GLIS2: variants seen among roughly 807,000 people sequenced by gnomAD.
GLIS2 encodes zinc finger protein GLIS2.
GLIS2 carries 14 observed loss-of-function variants against 35.6 expected under a neutral mutation model. That is an observed-to-expected ratio of 0.39 (90% CI 0.26 to 0.61). GLIS2 has a LOEUF of 0.61. Ranked by LOEUF, GLIS2 falls within the 20% of genes least tolerant of loss-of-function variation. The pLI is 0.48. For synonymous variants in GLIS2, 368 were observed against 325.1 expected, an observed-to-expected ratio of 1.13 and a Z score of -1.42; for missense variants, 675 against 713.4, an observed-to-expected ratio of 0.95 and a Z score of 0.61.
chr16:4,321,110 G>A (rs1042042820), intron 1 of GLIS2, among the ~76,000 whole-genome samples: 14 of 152,198 alleles, frequency 9.2e-5, no homozygotes, highest in Non-Finnish European at 1.6e-4. Context: ...CTGTGTGTGC[G>A]GTGCCCTGCT....
Position 4,335,311 on chromosome 16 carries a change from C to T in GLIS2, c.693C>T (p.Asn231=), listed in dbSNP as rs150071733. The change falls in exon 6 of 7, where the codon AAC becomes AAT. Residue 231 remains asparagine (N), a synonymous_variant. Coordinates refer to ENST00000433375, the MANE Select transcript of GLIS2 (RefSeq NM_032575.3). The surrounding 1 kb of genome is among the most constrained non-coding windows in gnomAD (Gnocchi z 4.6). ...TCATCCACATCCGCACACACACCAACGAGAAGCCACACCGCTGTCCGACCT... is the reference window on the plus strand; with the variant it reads ...TCATCCACATCCGCACACACACCAATGAGAAGCCACACCGCTGTCCGACCT... ...KMLIHIRTHT[N]EKPHRCPTCS... 1.6e-4 allele frequency: 260 copies of T among 1,613,798 alleles called. No homozygotes were observed. Among genetic ancestry groups the T allele is most frequent in the East Asian group, 1.4e-3 (62 of 44,870 alleles).
At chr16:4,317,667 G>A (rs2053329097) in intron 1 of GLIS2, among the ~76,000 whole-genome samples, 4 of 151,978 alleles carry the variant, frequency 2.6e-5, no homozygotes, top group Admixed American at 2.6e-4. Context: ...CACAGGGGGA[G>A]GGGCTGCACC....
rs2053572765 is a variant in GLIS2, at chr16:4,337,698, G to A, written c.*174G>A. The A allele has an allele frequency of 1.1e-6, 1 of 909,758 alleles. No individual in the cohort carries two copies. Among genetic ancestry groups the A allele is most frequent in the Non-Finnish European group, 1.7e-6 (1 of 591,508 alleles). The allele number at this position is 909,758 out of a possible 1,614,324, so 56.4% of individuals were successfully genotyped here. The stretch of plus-strand genomic sequence containing the variant: ...TTCATGGCTGGCCTCCCAGCCCCCG[G>A]GTGGGGACCTGGCCTGTCATGCAGG... On this transcript the variant is annotated 3_prime_UTR_variant, in exon 7 of 7. Transcript: ENST00000433375.
intron 1 of GLIS2, among the ~76,000 whole-genome samples, chr16:4,319,365 G>A (rs1404391983): frequency 6.6e-6 from 1 of 152,166 alleles, no homozygotes; most frequent in Non-Finnish European, 1.5e-5. Context: ...CCCTCTCCCT[G>A]CTGGCTAGGG....
At chr16:4,336,019 G>GC (rs1213899979) in intron 6 of GLIS2, 1 of 178,790 alleles carries the variant, frequency 5.6e-6, no homozygotes, top group African/African-American at 2.4e-5. Context: ...CCCTGCTCTG[G>GC]CCAGGGCAGC....
rs952531818 is a variant in GLIS2 at position 4,337,370 on chromosome 16, G to A, written c.1421G>A (p.Arg474Gln). The A allele has an allele frequency of 2.9e-5, 46 of 1,593,348 alleles. No homozygotes were observed. Among genetic ancestry groups the A allele is most frequent in the South Asian group, 4.6e-5 (4 of 87,894 alleles). ...GAAAGGACGGAGAGCAGCTGCTCCC[G>A]GCCAAGCCCCGATGGACTCCCCCTG... is the stretch of plus-strand genomic sequence containing the variant. ...PLERTESSCS[R>Q]PSPDGLPLLP... is the part of the protein sequence containing the mutation. Residue 474 changes from arginine to glutamine, a missense_variant, in exon 7 of 7, where the codon CGG becomes CAG. Physicochemically the swap from Arg to Gln is conservative, Grantham distance 43 (BLOSUM62 1). Coordinates refer to ENST00000433375, the MANE Select transcript of GLIS2 (RefSeq NM_032575.3).
chr16:4,323,455 G>C (rs1002775141), intron 1 of GLIS2, among the ~76,000 whole-genome samples: 1 of 151,516 alleles, frequency 6.6e-6, no homozygotes, highest in Non-Finnish European at 1.5e-5. Context: ...GCAGCGGGCA[G>C]GCAGCGGGGG....
chr16:4,317,314 TCTGGGCCATGGAAAGGGC>T (rs953039458), intron 1 of GLIS2, among the ~76,000 whole-genome samples: 2 of 152,138 alleles, frequency 1.3e-5, no homozygotes, highest in East Asian at 1.9e-4. Context: ...CTGGGCTTGG[TCTGGGCCATGGAAAGGGC>T]CTGGGCCATG....
intron 1 of GLIS2, among the ~76,000 whole-genome samples, chr16:4,316,713 G>C (rs1239748404): frequency 6.6e-6 from 1 of 152,118 alleles, no homozygotes; most frequent in Non-Finnish European, 1.5e-5. Flanking sequence ...TCCTCCCTTG[G>C]CCGGGAGAGT....
In GLIS2 at chr16:4,337,892, A is replaced by T. The variant is rs1031244397; in HGVS notation, c.*368A>T. On this transcript the variant is annotated 3_prime_UTR_variant, in exon 7 of 7. Transcript: ENST00000433375. ...ATGGCAAGTTGCCCTCTCCCAGCAG[A>T]GGGGGTGGGTGGGGTGGCATCTGCC... 2 of 379,274 alleles carry T rather than the reference A, an allele frequency of 5.3e-6. No homozygotes were observed. Among genetic ancestry groups the T allele is most frequent in the Non-Finnish European group, 9.9e-6 (2 of 201,626 alleles). The allele number at this position is 379,274 out of a possible 1,614,324, so 23.5% of individuals were successfully genotyped here. A position where few individuals can be genotyped will look rare whatever the true frequency, so the allele number is the denominator to read the frequency against.
At chr16:4,333,155 G>A (rs181080866) in intron 2 of GLIS2, among the ~76,000 whole-genome samples, 192 bp from the exon 3 acceptor site, 2 of 152,300 alleles carry the variant, frequency 1.3e-5, no homozygotes, top group Admixed American at 6.5e-5. Context: ...AAGCTCTGGC[G>A]GCTGGTAAAG....
At chr16:4,326,597 G>C (rs1405194066) in intron 1 of GLIS2, 1 of 152,212 alleles carries the variant, frequency 6.6e-6, no homozygotes, top group African/African-American at 2.4e-5. Context: ...CCCCCAAGCA[G>C]GAAAGGAGGA....
In GLIS2 at chr16:4,320,845, G is replaced by A. The variant is rs548824190; in HGVS notation, c.-67+4591G>A. ...TCCCCCCAACCCTGTGCTGGTGCTC[G>A]TCTCCCTGCCAGCCCCGGCCTCCCC... On this transcript the variant is annotated intron_variant, in intron 1 of 6. Transcript: ENST00000433375. This position sits in a 1 kb window ranked among gnomAD's most constrained non-coding sequence, Gnocchi z 5.6. Among the ~76,000 whole-genome samples, 50 of 152,078 alleles carry A rather than the reference G, an allele frequency of 3.3e-4. No individual in the cohort carries two copies. The South Asian group carries it at 7.7e-3, about 23-fold the overall frequency.
chr16:4,316,964 G>A (rs1226806613), intron 1 of GLIS2, among the ~76,000 whole-genome samples: 3 of 152,200 alleles, frequency 2.0e-5, no homozygotes, highest in Non-Finnish European at 4.4e-5. Context: ...GGGAGGAGAA[G>A]CACGCACAGC....
intron 1 of GLIS2, among the ~76,000 whole-genome samples, chr16:4,323,000 C>T (rs1228744485): frequency 5.9e-5 from 9 of 152,248 alleles, no homozygotes; most frequent in African/African-American, 1.9e-4. Flanking sequence ...TGAGTCCTGG[C>T]CCCGACACTG....
In GLIS2 at chr16:4,320,692, CT is replaced by C. The variant is rs2053369234; in HGVS notation, c.-67+4439del. Among the ~76,000 whole-genome samples, 1 of 152,170 alleles carries C rather than the reference CT, an allele frequency of 6.6e-6. No individual in the cohort carries two copies. The highest frequency in any genetic ancestry group is 1.5e-5 in the Non-Finnish European group (1 of 68,014). Reference sequence around the variant, plus strand: ...CCGGCCTGCCTGGGCCAGTTCTCCCCTGGGCCACTCCCACCTTCATCCAGAG... The same window carrying C: ...CCGGCCTGCCTGGGCCAGTTCTCCCCGGGCCACTCCCACCTTCATCCAGAG... On this transcript the variant is annotated intron_variant, in intron 1 of 6. Transcript: ENST00000433375. The surrounding 1 kb of genome is among the most constrained non-coding windows in gnomAD (Gnocchi z 5.6).
Position 4,337,986 on chromosome 16 carries a change from C to T in GLIS2, c.*462C>T. On this transcript the variant is annotated 3_prime_UTR_variant, in exon 7 of 7. Transcript: ENST00000433375. ...AGGGACCAGAGGCCTGCCCTTCCCT[C>T]CTAGGCTTACCCAGCCCCTGCCCTG... 1 of 266,078 alleles carries T rather than the reference C, an allele frequency of 3.8e-6. No homozygotes were observed. The highest frequency in any genetic ancestry group is 4.2e-5 in the South Asian group (1 of 23,590). 16.5% of individuals were successfully genotyped at this position (266,078 alleles called of 1,614,324 possible).
At chr16:4,326,034 C>T (rs1230946918) in intron 1 of GLIS2, among the ~76,000 whole-genome samples, 2 of 149,856 alleles carry the variant, frequency 1.3e-5, no homozygotes, top group African/African-American at 4.9e-5. Flanking sequence ...GTCAGGATAT[C>T]GAGACCATCC....
upstream of GLIS2, among the ~76,000 whole-genome samples, chr16:4,315,669 G>T (rs1039016168): frequency 3.3e-5 from 5 of 151,260 alleles, no homozygotes; most frequent in East Asian, 3.9e-4. Context: ...GGGGCCGCGG[G>T]GGGGGGGTGG....
Sources: allele counts gnomAD v4.1 joint callset (sites outside exome capture counted in the v4.1 genomes callset), GRCh38; gene constraint gnomAD v4.1.1; non-coding constraint Gnocchi (gnomAD v3.1); transcripts MANE v1.5; gene names NCBI Gene and HGNC (gene_info 2026-07-23, HGNC 2026-07-21).